ANKS1B: variants seen among roughly 807,000 people sequenced by gnomAD.
ANKS1B encodes the protein ankyrin repeat and sterile alpha motif domain containing 1B.
In ANKS1B, 36 loss-of-function variants were observed where a neutral mutation model predicts 148.3. The observed-to-expected ratio is 0.24, with a 90% CI of 0.19 to 0.32. The LOEUF is 0.32. ANKS1B is among the 10% of genes least tolerant of loss of function. The pLI is 1.00. For missense variants in ANKS1B, 1,157 were observed against 1,542.6 expected (o/e 0.75, Z 4.19); for synonymous variants, 542 against 560.8 (o/e 0.97, Z 0.47).
rs1369238030 is a variant in ANKS1B, at chr12:99,327,233, T to TAATAATTATAATTTATTATAATTATATA, written c.1756+72370_1756+72397dup. Among the ~76,000 whole-genome samples, 741 of 108,176 alleles carry TAATAATTATAATTTATTATAATTATATA rather than the reference T, an allele frequency of 6.8e-3. 3 individuals are homozygous for TAATAATTATAATTTATTATAATTATATA. Among genetic ancestry groups the TAATAATTATAATTTATTATAATTATATA allele is most frequent in the Non-Finnish European group, 0.011 (626 of 56,544 alleles). 71.0% of individuals were successfully genotyped at this position (108,176 alleles called of 152,430 possible). On this transcript the variant is annotated intron_variant, in intron 12 of 26. Transcript: ENST00000683438. ...TATTATATAATATAATTTATAATTA[T>TAATAATTATAATTTATTATAATTATATA]AATAATTATAATTTATTATAATTAT... is the stretch of plus-strand genomic sequence containing the variant.
chr12:99,241,849 C>T (rs2089399435), intron 14 of ANKS1B, among the ~76,000 whole-genome samples: 2 of 152,132 alleles, frequency 1.3e-5, no homozygotes, highest in Non-Finnish European at 2.9e-5. Flanking sequence ...AATTCAACAG[C>T]CCTTCATGCT....
chr12:99,416,580 G>A lies in ANKS1B; in HGVS notation c.1576-16769C>T, dbSNP rs77768597. ...ATATCTCATTGTGGTTTTACTTTGCGTCTCCCTTGTGGATAATGATGTTGA... is the reference window on the plus strand; with the variant it reads ...ATATCTCATTGTGGTTTTACTTTGCATCTCCCTTGTGGATAATGATGTTGA... On this transcript the variant is annotated intron_variant, in intron 11 of 26. Transcript: ENST00000683438. Among the ~76,000 whole-genome samples the A allele has an allele frequency of 8.2e-3, 1,247 of 152,150 alleles. 19 individuals carry two copies. Among genetic ancestry groups the A allele is most frequent in the African/African-American group, 0.028 (1,170 of 41,506 alleles).
At chr12:99,454,944 G>A (rs1187703125) in intron 10 of ANKS1B, among the ~76,000 whole-genome samples, 17 of 152,170 alleles carry the variant, frequency 1.1e-4, no homozygotes, top group Admixed American at 1.1e-3. Context: ...AAGCAATGAA[G>A]AAAGTAAAAA....
intron 9 of ANKS1B, among the ~76,000 whole-genome samples, chr12:99,654,776 A>T (rs1345068867): frequency 6.6e-6 from 1 of 152,204 alleles, no homozygotes; most frequent in Non-Finnish European, 1.5e-5. Flanking sequence ...CTTTAAACTG[A>T]TATATTTCTG....
chr12:99,298,331 C>T (rs2081172369), intron 12 of ANKS1B, among the ~76,000 whole-genome samples: 1 of 152,026 alleles, frequency 6.6e-6, no homozygotes, highest in African/African-American at 2.4e-5. Flanking sequence ...GTGGTTTCCC[C>T]CATACTGTTC....
intron 2 of ANKS1B, among the ~76,000 whole-genome samples, chr12:99,815,825 C>T (rs1602760507): frequency 6.6e-6 from 1 of 151,704 alleles, no homozygotes; most frequent in Admixed American, 6.6e-5. Context: ...ACATTATTTC[C>T]TTCTTTTTAT....
At chr12:99,916,717 A>G (rs866717321) in intron 1 of ANKS1B, among the ~76,000 whole-genome samples, 6 of 152,208 alleles carry the variant, frequency 3.9e-5, no homozygotes, top group Non-Finnish European at 7.3e-5. Context: ...GCTTCCTGCA[A>G]AAAAACCATA....
intron 12 of ANKS1B, among the ~76,000 whole-genome samples, chr12:99,321,148 G>C (rs982076422): frequency 1.1e-4 from 16 of 152,194 alleles, no homozygotes; most frequent in African/African-American, 3.4e-4. Context: ...GCTACTCAGG[G>C]GTCAGGGACC....
At chr12:99,139,295 TTC>T (rs147738997) in intron 15 of ANKS1B, among the ~76,000 whole-genome samples, 1 of 134,318 alleles carries the variant, frequency 7.4e-6, no homozygotes, top group African/African-American at 2.9e-5. Context: ...TTTCTTCTCT[TTC>T]TCTCTCTCTC....
chr12:98,758,941 ATTT>A (rs35016362), intron 25 of ANKS1B, among the ~76,000 whole-genome samples: 2 of 135,834 alleles, frequency 1.5e-5, no homozygotes, highest in Non-Finnish European at 1.6e-5. Flanking sequence ...CGCCTGGCTA[ATTT>A]TTTTTTTTTT....
chr12:98,949,526 A>G (rs112703283), intron 17 of ANKS1B, among the ~76,000 whole-genome samples: 1 of 152,222 alleles, frequency 6.6e-6, no homozygotes, highest in Non-Finnish European at 1.5e-5. Context: ...AAGTGGCTCA[A>G]TCTGACTGAG....
At chr12:98,810,735 T>C (rs1057006001) in intron 19 of ANKS1B, among the ~76,000 whole-genome samples, 1 of 152,262 alleles carries the variant, frequency 6.6e-6, no homozygotes, top group Non-Finnish European at 1.5e-5. Flanking sequence ...TCTGCCTGCC[T>C]GATGGGCACA....
intron 9 of ANKS1B, among the ~76,000 whole-genome samples, chr12:99,552,144 T>G (rs1005682785): frequency 6.6e-6 from 1 of 152,192 alleles, no homozygotes; most frequent in Non-Finnish European, 1.5e-5. Context: ...TATCTTTCCT[T>G]GTGAATGACT....
At chr12:99,439,222 T>C (rs2095510244) in intron 11 of ANKS1B, among the ~76,000 whole-genome samples, 1 of 151,496 alleles carries the variant, frequency 6.6e-6, no homozygotes, top group African/African-American at 2.4e-5. Flanking sequence ...CGAGAAAACT[T>C]CTAGAAAAAA....
At chr12:99,977,544 T>A (rs2095644447) in intron 1 of ANKS1B, among the ~76,000 whole-genome samples, 1 of 152,238 alleles carries the variant, frequency 6.6e-6, no homozygotes, top group Admixed American at 6.5e-5. Context: ...AAACAAAATT[T>A]ATCCTTTGGT....
chr12:98,876,398 A>G (rs767603416), intron 17 of ANKS1B, among the ~76,000 whole-genome samples: 26 of 152,324 alleles, frequency 1.7e-4, no homozygotes, highest in Non-Finnish European at 3.2e-4. Context: ...CTTTCTAGGT[A>G]GAGCTGAGCA....
At chr12:99,052,681 T>C (rs1041641154) in intron 17 of ANKS1B, among the ~76,000 whole-genome samples, 82 of 118,928 alleles carry the variant, frequency 6.9e-4, no homozygotes, top group Non-Finnish European at 6.9e-4. Flanking sequence ...TGAGCCGAGA[T>C]TGCGCCACTG....
intron 16 of ANKS1B, among the ~76,000 whole-genome samples, chr12:99,066,411 T>C (rs1228883703): frequency 1.3e-5 from 2 of 152,124 alleles, no homozygotes. Flanking sequence ...GCAAAGGCCC[T>C]CAGGAAGGAG....
intron 11 of ANKS1B, among the ~76,000 whole-genome samples, chr12:99,418,913 CAT>C (rs1393573787): frequency 4.6e-5 from 7 of 152,102 alleles, no homozygotes; most frequent in African/African-American, 1.7e-4. Context: ...CAATTAATAT[CAT>C]TATGTGGATT....
Sources: gnomAD v4.1 joint callset for allele counts (sites outside exome capture counted in the v4.1 genomes callset) on GRCh38, gnomAD v4.1.1 for gene constraint, MANE v1.5 for transcripts, NCBI Gene and HGNC (gene_info 2026-07-23, HGNC 2026-07-21) for gene names.